CELSR1: variants seen among roughly 807,000 people sequenced by gnomAD.
CELSR1 encodes cadherin EGF LAG seven-pass G-type receptor 1.
Under a neutral mutation model 249.1 loss-of-function variants are expected in CELSR1, and 110 were observed. That is an observed-to-expected ratio of 0.44 (90% CI 0.38 to 0.52). The LOEUF (loss-of-function observed/expected upper bound fraction) is 0.52. Ranked by LOEUF, CELSR1 falls within the 20% of genes least tolerant of loss-of-function variation. The pLI is 0.00. For synonymous variants in CELSR1, 2,113 were observed against 1,900.0 expected (o/e 1.11, Z -2.92); for missense variants, 4,109 against 4,296.4 (o/e 0.96, Z 1.22).
chr22:46,379,686 C>G (rs1371847291), intron 22 of CELSR1, among the ~76,000 whole-genome samples: 1 of 152,328 alleles, frequency 6.6e-6, no homozygotes, highest in South Asian at 2.1e-4. Flanking sequence ...GGCTCGCTCA[C>G]CATAGCGCCA....
In CELSR1 at chr22:46,468,160, G is replaced by C. The variant is rs1271664298; in HGVS notation, c.3545-3815C>G. 2.6e-5 allele frequency among the ~76,000 whole-genome samples: 4 copies of C among 151,880 alleles called. No homozygotes were observed. Among genetic ancestry groups the C allele is most frequent in the African/African-American group, 9.7e-5 (4 of 41,328 alleles). On this transcript the variant is annotated intron_variant, in intron 1 of 34. Transcript: ENST00000674500. This position sits in a 1 kb window ranked among gnomAD's most constrained non-coding sequence, Gnocchi z 4.5. ...CACAGCACTTTGGGAGGCCGAGGTG[G>C]GTGGATCACGACGTCAGGAGTTCAA...
intron 1 of CELSR1, among the ~76,000 whole-genome samples, chr22:46,491,642 T>A (rs948868420): frequency 6.6e-6 from 1 of 151,082 alleles, no homozygotes; most frequent in Non-Finnish European, 1.5e-5. Flanking sequence ...TCTCTCTTTT[T>A]TTTTTTTTTT....
Position 46,512,371 on chromosome 22 carries a change from G to C in CELSR1, c.3544+21256C>G, listed in dbSNP as rs931228183. 2.0e-5 allele frequency among the ~76,000 whole-genome samples: 3 copies of C among 152,204 alleles called. No individual in the cohort carries two copies. The highest frequency in any genetic ancestry group is 2.9e-5 in the Non-Finnish European group (2 of 68,038). On this transcript the variant is annotated intron_variant, in intron 1 of 34. Transcript: ENST00000674500. The surrounding 1 kb of genome is among the most constrained non-coding windows in gnomAD (Gnocchi z 5.2). ...GGATCACATGAGGTCAGGAGATCGA[G>C]ACCATCCTGGCCAATATGGTGAAAC... is the stretch of plus-strand genomic sequence containing the variant.
chr22:46,482,511 G>A (rs2080276035), intron 1 of CELSR1, among the ~76,000 whole-genome samples: 1 of 152,136 alleles, frequency 6.6e-6, no homozygotes, highest in South Asian at 2.1e-4. Context: ...TTACTGATGA[G>A]GAAACCAAAG....
chr22:46,530,946 G>A (rs2080785646), intron 1 of CELSR1, among the ~76,000 whole-genome samples: 1 of 152,222 alleles, frequency 6.6e-6, no homozygotes. Flanking sequence ...TTAGGGCATG[G>A]CTGTAAATCC....
rs2080511460 is a variant in CELSR1 at position 46,506,077 on chromosome 22, G to T, written c.3544+27550C>A. Reference sequence around the variant, plus strand: ...ACCTGTAATCCCAGCTACTCGGGAGGCTGAGGCAGGAGAATCACTTGAACC... The same window carrying T: ...ACCTGTAATCCCAGCTACTCGGGAGTCTGAGGCAGGAGAATCACTTGAACC... On this transcript the variant is annotated intron_variant, in intron 1 of 34. Coordinates refer to ENST00000674500, the MANE Select transcript of CELSR1 (RefSeq NM_001378328.1). This position sits in a 1 kb window ranked among gnomAD's most constrained non-coding sequence, Gnocchi z 4.1. 6.6e-6 allele frequency among the ~76,000 whole-genome samples: 1 copy of T among 151,918 alleles called. No individual in the cohort carries two copies. The highest frequency in any genetic ancestry group is 2.1e-4 in the South Asian group (1 of 4,820).
At chr22:46,368,523 CCCAGCCCCTGCGCAAGCATT>C (rs1415210787) in intron 27 of CELSR1, among the ~76,000 whole-genome samples, 1 of 152,054 alleles carries the variant, frequency 6.6e-6, no homozygotes, top group African/African-American at 2.4e-5. Flanking sequence ...CCTCCTGACA[CCCAGCCCCTGCGCAAGCATT>C]ATCCCTTCGC....
chr22:46,391,679 G>T lies in CELSR1; in HGVS notation c.6102C>A (p.Asn2034Lys), dbSNP rs755420216. ...CKPGVIGRQC[N>K]RCDNPFAEVT... The stretch of plus-strand genomic sequence containing the variant: ...CCTCGGCAAACGGGTTGTCGCAGCG[G>T]TTGCACTGGCGGCCGATGACGCCGG... Residue 2034 changes from asparagine (N) to lysine (K), a missense_variant, in exon 15 of 35, where the codon AAC becomes AAA. Transcript: ENST00000674500. This position sits in a 1 kb window ranked among gnomAD's most constrained non-coding sequence, Gnocchi z 4.3. The T allele has an allele frequency of 1.2e-6, 2 of 1,609,370 alleles. No homozygotes were observed. The highest frequency in any genetic ancestry group is 2.2e-5 in the South Asian group (2 of 90,620).
intron 2 of CELSR1, among the ~76,000 whole-genome samples, chr22:46,461,519 G>A (rs933698838): frequency 6.6e-6 from 1 of 152,204 alleles, no homozygotes; most frequent in Non-Finnish European, 1.5e-5. Flanking sequence ...CTGGAAGGCC[G>A]ATGCAGGTCT....
intron 1 of CELSR1, among the ~76,000 whole-genome samples, chr22:46,510,589 G>A (rs1055565991): frequency 3.9e-5 from 6 of 152,144 alleles, no homozygotes; most frequent in African/African-American, 1.4e-4. Flanking sequence ...CCTTCATCTC[G>A]GCTCACACGC....
chr22:46,414,624 G>A (rs9615994), intron 5 of CELSR1, among the ~76,000 whole-genome samples: 18 of 119,806 alleles, frequency 1.5e-4, no homozygotes, highest in African/African-American at 7.9e-4. Context: ...TGGGTTTAAC[G>A]CGCAGGCTAA....
rs2079223156 is a variant in CELSR1 at position 46,402,875 on chromosome 22, A to C, written c.5227-2973T>G. On this transcript the variant is annotated intron_variant, in intron 9 of 34. Transcript: ENST00000674500. This position sits in a 1 kb window ranked among gnomAD's most constrained non-coding sequence, Gnocchi z 5.0. ...CTTCAAAAAATAGCCTAGATTTTAG[A>C]AAAACAACTATTAGCACACTGCTTA... Among the ~76,000 whole-genome samples the C allele has an allele frequency of 6.6e-6, 1 of 152,254 alleles. No individual in the cohort carries two copies. Among genetic ancestry groups the C allele is most frequent in the South Asian group, 2.1e-4 (1 of 4,830 alleles).
chr22:46,464,049 G>A lies in CELSR1; in HGVS notation c.3841C>T (p.Gln1281Ter). 1 of 1,613,780 alleles carries A rather than the reference G, an allele frequency of 6.2e-7. No individual in the cohort carries two copies. Among genetic ancestry groups the A allele is most frequent in the Non-Finnish European group, 8.5e-7 (1 of 1,180,044 alleles). Residue 1281 changes from glutamine (Q) to a stop codon, truncating the protein, a stop_gained, in exon 2 of 35, where the codon CAG becomes TAG. Transcript: ENST00000674500. LOFTEE classifies it high-confidence loss of function. This position sits in a 1 kb window ranked among gnomAD's most constrained non-coding sequence, Gnocchi z 8.5. ...GTCCGATTCAGGTAGATCTGCTCCTGCAGGTCCTCCGACGGGAAGAACTGG... is the reference window on the plus strand; with the variant it reads ...GTCCGATTCAGGTAGATCTGCTCCTACAGGTCCTCCGACGGGAAGAACTGG... ...RGQFFPSEDL[Q>*]EQIYLNRTLL... is the part of the protein sequence containing the mutation.
chr22:46,378,805 G>A, intron 22 of CELSR1, 88 bp from the exon 23 acceptor site: 1 of 1,503,402 alleles, frequency 6.7e-7, no homozygotes. Context: ...AGCCCTGGGG[G>A]CTCCCAGGCC....
rs1166985105 is a variant in CELSR1, at chr22:46,468,557, G to T, written c.3545-4212C>A. Among the ~76,000 whole-genome samples the T allele has an allele frequency of 2.0e-5, 3 of 152,102 alleles. No individual in the cohort carries two copies. Among genetic ancestry groups the T allele is most frequent in the Non-Finnish European group, 4.4e-5 (3 of 68,016 alleles). On this transcript the variant is annotated intron_variant, in intron 1 of 34. Coordinates refer to ENST00000674500, the MANE Select transcript of CELSR1 (RefSeq NM_001378328.1). The surrounding 1 kb of genome is among the most constrained non-coding windows in gnomAD (Gnocchi z 4.5). ...TTACAGGAGGTCCCTAGAGGAGTTC[G>T]ATTCATAGAGGCAGAAAGTAGAATG...
intron 2 of CELSR1, among the ~76,000 whole-genome samples, chr22:46,443,264 C>T (rs1426009214): frequency 2.0e-5 from 3 of 152,232 alleles, no homozygotes; most frequent in African/African-American, 7.2e-5. Flanking sequence ...TCACAGGCAC[C>T]AGAGCTGACG....
chr22:46,375,084 A>G (rs1201231334), intron 24 of CELSR1, among the ~76,000 whole-genome samples: 1 of 152,120 alleles, frequency 6.6e-6, no homozygotes, highest in African/African-American at 2.4e-5. Context: ...TTGAGGTAAG[A>G]GGGGTCTGGT....
chr22:46,363,226 A>G lies in CELSR1; in HGVS notation c.9057T>C (p.Ile3019=), dbSNP rs1435124685. The change falls in exon 35 of 35, where the codon ATT becomes ATC. Residue 3019 remains isoleucine, a synonymous_variant. Transcript: ENST00000674500. This position sits in a 1 kb window ranked among gnomAD's most constrained non-coding sequence, Gnocchi z 4.3. ...TTGAAGTTTCATTACTGATGGTTCA[A>G]ATTGAAGTTTCATTACTGCCTCTGC... The part of the protein sequence containing the change: ...SDSEGSNETS[I] 17 of 1,591,274 alleles carry G rather than the reference A, an allele frequency of 1.1e-5. No individual in the cohort carries two copies. Among genetic ancestry groups the G allele is most frequent in the Non-Finnish European group, 1.4e-5 (17 of 1,178,100 alleles).
chr22:46,400,522 G>A (rs146818508), intron 9 of CELSR1, among the ~76,000 whole-genome samples: 3 of 151,806 alleles, frequency 2.0e-5, no homozygotes, highest in South Asian at 2.1e-4. Context: ...CTGTAAGCCC[G>A]GCTACTCCGC....
Sources: allele counts gnomAD v4.1 joint callset (sites outside exome capture counted in the v4.1 genomes callset), GRCh38; gene constraint gnomAD v4.1.1; non-coding constraint Gnocchi (gnomAD v3.1); transcripts MANE v1.5; gene names NCBI Gene and HGNC (gene_info 2026-07-23, HGNC 2026-07-21).